The following ARHGAP5 variants were observed in gnomAD, a reference collection of about 807,000 sequenced individuals.
ARHGAP5 encodes the protein Rho GTPase activating protein 5.
In ARHGAP5, 23 loss-of-function variants were observed where a neutral mutation model predicts 116.6. The observed-to-expected ratio is 0.20, with a 90% CI of 0.14 to 0.28. The LOEUF (loss-of-function observed/expected upper bound fraction) is 0.28. ARHGAP5 is among the 10% of genes least tolerant of loss of function. The pLI is 1.00. For missense variants in ARHGAP5, 1,405 were observed against 1,774.8 expected, an observed-to-expected ratio of 0.79 and a Z score of 3.74; for synonymous variants, 574 against 602.0, an observed-to-expected ratio of 0.95 and a Z score of 0.68.
chr14:32,157,556 A>G lies in ARHGAP5; in HGVS notation c.*2608A>G, dbSNP rs1881946265. The G allele has an allele frequency of 6.6e-6, 1 of 152,310 alleles. No individual in the cohort carries two copies. The highest frequency in any genetic ancestry group is 2.1e-4 in the South Asian group (1 of 4,834). The allele number at this position is 152,310 out of a possible 1,614,324, so 9.4% of individuals were successfully genotyped here. A position where few individuals can be genotyped will look rare whatever the true frequency, so the allele number is the denominator to read the frequency against. On this transcript the variant is annotated 3_prime_UTR_variant, in exon 7 of 7. Coordinates refer to ENST00000345122, the MANE Select transcript of ARHGAP5 (RefSeq NM_001030055.2). ...ATCTAGATTAGCAATATAAAGAAGC[A>G]TAGTGGTACTCTGTTTCACACTTTC... is the stretch of plus-strand genomic sequence containing the variant.
intron 6 of ARHGAP5, 82 bp downstream of exon 6, chr14:32,152,610 T>A (rs1452443118): frequency 2.7e-6 from 2 of 749,784 alleles, no homozygotes; most frequent in Non-Finnish European, 4.2e-6. Context: ...ATTGGATAAT[T>A]ATCAGATAGA....
intron 2 of ARHGAP5, among the ~76,000 whole-genome samples, chr14:32,102,862 G>A (rs1317400139): frequency 6.6e-6 from 1 of 152,218 alleles, no homozygotes; most frequent in Non-Finnish European, 1.5e-5. Flanking sequence ...AATGCCTACT[G>A]TGCCTGAACA....
intron 4 of ARHGAP5, among the ~76,000 whole-genome samples, chr14:32,147,947 G>A (rs913893919): frequency 3.9e-5 from 6 of 152,202 alleles, no homozygotes; most frequent in Admixed American, 2.6e-4. Context: ...GAGCTCAGGA[G>A]TTCTAGCCCA....
At chr14:32,120,547 G>T (rs559158849) in intron 3 of ARHGAP5, among the ~76,000 whole-genome samples, 6 of 149,068 alleles carry the variant, frequency 4.0e-5, no homozygotes, top group African/African-American at 1.5e-4. Flanking sequence ...TGTTTTAGCT[G>T]TATTCCATAT....
intron 4 of ARHGAP5, among the ~76,000 whole-genome samples, chr14:32,149,615 A>C (rs1348587327): frequency 6.6e-6 from 1 of 152,006 alleles, no homozygotes; most frequent in African/African-American, 2.4e-5. Flanking sequence ...TACTAAAAAT[A>C]CAAAAAATTA....
At chr14:32,116,547 C>T (rs1403582869) in intron 2 of ARHGAP5, among the ~76,000 whole-genome samples, 2 of 151,960 alleles carry the variant, frequency 1.3e-5, no homozygotes, top group South Asian at 2.1e-4. Context: ...GAGCCGAGAT[C>T]GCGTCACTCC....
intron 2 of ARHGAP5, among the ~76,000 whole-genome samples, chr14:32,106,457 T>C (rs1185042556): frequency 6.6e-6 from 1 of 152,218 alleles, no homozygotes; most frequent in Non-Finnish European, 1.5e-5. Flanking sequence ...CAATGTATGA[T>C]GGATCCAGTT....
chr14:32,152,483 C>T lies in ARHGAP5; in HGVS notation c.4136C>T (p.Pro1379Leu), dbSNP rs777773246. The part of the protein sequence containing the change: ...ALKEIVKKFH[P>L]VNYDVFRYVI... ...AAAGAAATTGTTAAGAAATTTCATC[C>T]TGTAAACTATGATGTATTCAGATAC... The change falls in exon 6 of 7, where the codon CCT becomes CTT. Residue 1379 changes from proline to leucine, a missense_variant. Pro to Leu is a moderately conservative substitution (Grantham distance 98). This residue lies in a region of ARHGAP5 where 176 missense variants were observed against 221.2 expected (regional missense o/e 0.80). Coordinates refer to ENST00000345122, the MANE Select transcript of ARHGAP5 (RefSeq NM_001030055.2). 5 of 1,605,610 alleles carry T rather than the reference C, an allele frequency of 3.1e-6. No homozygotes were observed. Among genetic ancestry groups the T allele is most frequent in the Non-Finnish European group, 4.2e-6 (5 of 1,177,212 alleles).
chr14:32,091,989 A>C lies in ARHGAP5; in HGVS notation c.1320A>C (p.Lys440Asn), dbSNP rs1305880239. 2 of 1,613,710 alleles carry C rather than the reference A, an allele frequency of 1.2e-6. No homozygotes were observed. The highest frequency in any genetic ancestry group is 1.7e-6 in the Non-Finnish European group (2 of 1,179,700). The change falls in exon 2 of 7, where the codon AAA (lysine) becomes AAC (asparagine). Residue 440 changes from lysine to asparagine, a missense_variant. Around this residue, in one of 6 missense-constraint regions of ARHGAP5, gnomAD observed 944 missense variants for 1,095.3 expected, o/e 0.86. Transcript: ENST00000345122. Reference sequence around the variant, plus strand: ...AAAAATTCAAAAAGACTTTGGAAAAAATTCAATTCATTTCACCAGGGCAGC... The same window carrying C: ...AAAAATTCAAAAAGACTTTGGAAAACATTCAATTCATTTCACCAGGGCAGC... ...MKEKFKKTLEKIQFISPGQPW... is the reference protein window; with the variant it reads ...MKEKFKKTLENIQFISPGQPW...
chr14:32,122,428 C>T (rs750500786), intron 3 of ARHGAP5, among the ~76,000 whole-genome samples: 1 of 152,052 alleles, frequency 6.6e-6, no homozygotes, highest in African/African-American at 2.4e-5. Context: ...TTTTCAAATA[C>T]GATTTGCTAA....
intron 1 of ARHGAP5, 111 bp from the exon 2 acceptor site, chr14:32,090,391 A>G (rs1878184891): frequency 2.4e-6 from 1 of 425,236 alleles, no homozygotes; most frequent in Non-Finnish European, 4.1e-6. Flanking sequence ...CTCTTAAAAT[A>G]CATGTATCAT....
chr14:32,127,163 G>A (rs113376425), intron 3 of ARHGAP5, among the ~76,000 whole-genome samples: 9,448 of 151,086 alleles, frequency 0.063, 943 homozygotes, highest in African/African-American at 0.21. Context: ...ACTCCTGGCT[G>A]ATTTTTTTTT....
chr14:32,080,570 C>T (rs1220976997), intron 1 of ARHGAP5, among the ~76,000 whole-genome samples: 2 of 151,738 alleles, frequency 1.3e-5, no homozygotes, highest in African/African-American at 2.4e-5. Context: ...TACTATGTGC[C>T]TAGCCCTGGA....
Position 32,093,941 on chromosome 14 carries a change from A to C in ARHGAP5, c.3272A>C (p.Tyr1091Ser), listed in dbSNP as rs370569198. The change falls in exon 2 of 7, where the codon TAT becomes TCT. Residue 1091 changes from tyrosine (Y) to serine (S), a missense_variant. Physicochemically the swap from Tyr to Ser is moderately radical, Grantham distance 144. Coordinates refer to ENST00000345122, the MANE Select transcript of ARHGAP5 (RefSeq NM_001030055.2). Reference sequence around the variant, plus strand: ...GAAGATATGGATCCTTCAGATAACTATGCGGAACCCATTGATACAATTTTC... The same window carrying C: ...GAAGATATGGATCCTTCAGATAACTCTGCGGAACCCATTGATACAATTTTC... Reference protein sequence around the residue: ...HPEDMDPSDNYAEPIDTIFKQ... With the variant: ...HPEDMDPSDNSAEPIDTIFKQ... The C allele has an allele frequency of 2.5e-6, 4 of 1,614,068 alleles. No individual in the cohort carries two copies. In the South Asian group the frequency reaches 3.3e-5, roughly 13 times the overall value.
intron 3 of ARHGAP5, among the ~76,000 whole-genome samples, chr14:32,121,013 C>T (rs375885898): frequency 4.6e-4 from 48 of 104,896 alleles, no homozygotes; most frequent in South Asian, 1.0e-3. Context: ...AGGATTATGT[C>T]TTTTTTTTTT....
chr14:32,091,815 A>G lies in ARHGAP5; in HGVS notation c.1146A>G (p.Glu382=). 2 of 1,613,630 alleles carry G rather than the reference A, an allele frequency of 1.2e-6. No individual in the cohort carries two copies. Among genetic ancestry groups the G allele is most frequent in the East Asian group, 4.5e-5 (2 of 44,864 alleles). The change falls in exon 2 of 7, where the codon GAA becomes GAG. Residue 382 remains glutamate, a synonymous_variant. Transcript: ENST00000345122. ...TCCAGTTATGTTTTGTGGTGCTAGA[A>G]AAAACTCCTTGGGATGAAACTGACC... ...ADFQLCFVVL[E]KTPWDETDHI...
intron 2 of ARHGAP5, among the ~76,000 whole-genome samples, chr14:32,097,779 TTGATA>T (rs1878602575): frequency 6.6e-6 from 1 of 152,200 alleles, no homozygotes; most frequent in South Asian, 2.1e-4. Context: ...ACAAAATAGT[TTGATA>T]TAAGATCAGT....
intron 1 of ARHGAP5, among the ~76,000 whole-genome samples, chr14:32,081,375 C>T (rs565126837): frequency 1.3e-5 from 2 of 151,938 alleles, no homozygotes; most frequent in East Asian, 3.9e-4. Context: ...GGACTGAAAG[C>T]ACAGGTAAGT....
chr14:32,115,808 A>G (rs980693327), intron 2 of ARHGAP5, among the ~76,000 whole-genome samples: 9 of 23,068 alleles, frequency 3.9e-4, no homozygotes, highest in African/African-American at 1.1e-3. Flanking sequence ...CATCTCTACT[A>G]AAAATACAAA....
Sources: gnomAD v4.1 joint callset for allele counts (sites outside exome capture counted in the v4.1 genomes callset) on GRCh38, gnomAD v4.1.1 for gene constraint, gnomAD v4.1.1 regional missense constraint, MANE v1.5 for transcripts, NCBI Gene and HGNC (gene_info 2026-07-23, HGNC 2026-07-21) for gene names.